Variants in ROBO1 observed in about 807,000 individuals in gnomAD.
ROBO1 encodes roundabout homolog 1.
ROBO1 carries 149 observed loss-of-function variants against 195.9 expected under a neutral mutation model. That is an observed-to-expected ratio of 0.76 (90% CI 0.67 to 0.87). The LOEUF (loss-of-function observed/expected upper bound fraction) is 0.87, where lower values mean the gene tolerates loss of function less well. ROBO1 is among the 40% of genes least tolerant of loss of function. The pLI is 0.00. For missense variants in ROBO1, 1,933 were observed against 2,068.3 expected (o/e 0.93, Z 1.27); for synonymous variants, 816 against 733.2 (o/e 1.11, Z -1.82).
At chr3:78,868,736 A>G (rs968392322) in intron 4 of ROBO1, among the ~76,000 whole-genome samples, 4 of 151,544 alleles carry the variant, frequency 2.6e-5, no homozygotes, top group African/African-American at 4.9e-5. Context: ...ATAAAAGGGG[A>G]AAAAAACACA....
At chr3:79,170,034 G>C (rs1472070138) in intron 2 of ROBO1, among the ~76,000 whole-genome samples, 1 of 152,126 alleles carries the variant, frequency 6.6e-6, no homozygotes, top group Non-Finnish European at 1.5e-5. Flanking sequence ...GAGCGAGAGA[G>C]AGAAAACACA....
intron 14 of ROBO1, among the ~76,000 whole-genome samples, chr3:78,667,195 T>C (rs2107697786): frequency 6.6e-6 from 1 of 152,228 alleles, no homozygotes; most frequent in South Asian, 2.1e-4. Context: ...AATTATAATA[T>C]GATTAAGATT....
chr3:78,799,394 T>A (rs549331236), intron 4 of ROBO1, among the ~76,000 whole-genome samples: 1 of 152,182 alleles, frequency 6.6e-6, no homozygotes. Flanking sequence ...CAGGCTGGAG[T>A]GCAGTGGCAC....
intron 4 of ROBO1, among the ~76,000 whole-genome samples, chr3:78,787,807 C>A (rs1234207129): frequency 6.6e-6 from 1 of 151,956 alleles, no homozygotes; most frequent in South Asian, 2.1e-4. Context: ...AAATCTGATA[C>A]AGTGTTGTGA....
chr3:78,737,684 A>C (rs1270232658), intron 5 of ROBO1, among the ~76,000 whole-genome samples: 1 of 152,216 alleles, frequency 6.6e-6, no homozygotes, highest in Admixed American at 6.5e-5. Flanking sequence ...CCAGTGTTTC[A>C]ATTATTAAAT....
intron 4 of ROBO1, among the ~76,000 whole-genome samples, chr3:78,803,904 A>C (rs991746485): frequency 1.3e-5 from 2 of 152,192 alleles, no homozygotes; most frequent in African/African-American, 4.8e-5. Context: ...TGTATATTAT[A>C]AAAGATTTGA....
chr3:78,667,165 A>G (rs996792702), intron 14 of ROBO1, among the ~76,000 whole-genome samples: 2 of 152,138 alleles, frequency 1.3e-5, no homozygotes, highest in African/African-American at 4.8e-5. Flanking sequence ...AATAAATAAA[A>G]TTTGGTTAAT....
At position 78,688,720 on chromosome 3, in the gene ROBO1, C is replaced by T. The variant is rs758482598; in HGVS notation, c.1098G>A (p.Arg366=). The T allele has an allele frequency of 1.2e-6, 2 of 1,609,092 alleles. No individual in the cohort carries two copies. Among genetic ancestry groups the T allele is most frequent in the South Asian group, 2.2e-5 (2 of 89,806 alleles). Residue 366 remains arginine, a synonymous_variant, in exon 9 of 31, where the codon CGG becomes CGA. Coordinates refer to ENST00000464233, the MANE Select transcript of ROBO1 (RefSeq NM_002941.4). Reference sequence around the variant, plus strand: ...TTGCTTCACACTGAAAAGTTACAGTCCGTCCCAAAGCAACAACCTGGTCAC... The same window carrying T: ...TTGCTTCACACTGAAAAGTTACAGTTCGTCCCAAAGCAACAACCTGGTCAC... ...KPRDQVVALG[R]TVTFQCEATG...
intron 2 of ROBO1, among the ~76,000 whole-genome samples, chr3:79,196,058 T>C (rs572310499): frequency 1.3e-5 from 2 of 151,580 alleles, no homozygotes; most frequent in African/African-American, 4.8e-5. Flanking sequence ...GACAAAAAGA[T>C]GAAAAGTCAT....
At chr3:79,080,471 T>TA (rs895479672) in intron 3 of ROBO1, among the ~76,000 whole-genome samples, 2 of 151,858 alleles carry the variant, frequency 1.3e-5, no homozygotes, top group East Asian at 1.9e-4. Context: ...TTCTTTCAAT[T>TA]AAAAAAAACT....
At chr3:78,602,043 T>TGA (rs1259641855) in intron 29 of ROBO1, among the ~76,000 whole-genome samples, 3 of 37,814 alleles carry the variant, frequency 7.9e-5, no homozygotes, top group African/African-American at 2.3e-4. Context: ...TTCATGTGTG[T>TGA]GAGTGTGTGT....
chr3:78,999,232 G>A (rs556482155), intron 3 of ROBO1, among the ~76,000 whole-genome samples: 10 of 151,876 alleles, frequency 6.6e-5, no homozygotes, highest in Middle Eastern at 3.4e-3. Flanking sequence ...AAAACAAATC[G>A]ACCTACAAAA....
chr3:79,445,606 C>T lies in ROBO1; in HGVS notation c.88+144218G>A, dbSNP rs548219287. On this transcript the variant is annotated intron_variant, in intron 2 of 30. Coordinates refer to ENST00000464233, the MANE Select transcript of ROBO1 (RefSeq NM_002941.4). ...CCTCAAATTCCTGGGCTCAAGCAAT[C>T]CTATCTCACCCTCCCGAGTAGCTGG... Among the ~76,000 whole-genome samples the T allele has an allele frequency of 2.0e-5, 3 of 149,406 alleles. No individual in the cohort carries two copies. The Admixed American group carries it at 2.0e-4, about 10-fold the overall frequency.
chr3:79,593,916 CTTTTG>C (rs565223747), intron 1 of ROBO1, among the ~76,000 whole-genome samples: 5 of 152,050 alleles, frequency 3.3e-5, no homozygotes, highest in African/African-American at 4.8e-5. Context: ...TGCACCTGGC[CTTTTG>C]TTTTGTTTAC....
intron 2 of ROBO1, among the ~76,000 whole-genome samples, chr3:79,579,906 G>A (rs1943604695): frequency 1.3e-5 from 2 of 152,102 alleles, no homozygotes; most frequent in Admixed American, 1.3e-4. Context: ...CAGCACAGGG[G>A]ATGACTTAGC....
intron 2 of ROBO1, among the ~76,000 whole-genome samples, chr3:79,401,748 T>A (rs2037375545): frequency 6.6e-6 from 1 of 151,826 alleles, no homozygotes; most frequent in Admixed American, 6.6e-5. Flanking sequence ...ATACAGGTAC[T>A]CTGCCAATAA....
rs1164658759 is a variant in ROBO1 at position 79,727,112 on chromosome 3, A to C, written c.-51+40640T>G. Reference sequence around the variant, plus strand: ...ACTAGCAATATGCTCAGGAGGAGCTAAACCAGCAAGGATGGGAAGAACTCA... The same window carrying C: ...ACTAGCAATATGCTCAGGAGGAGCTCAACCAGCAAGGATGGGAAGAACTCA... On this transcript the variant is annotated intron_variant, in intron 1 of 30. Coordinates refer to ENST00000464233, the MANE Select transcript of ROBO1 (RefSeq NM_002941.4). Among the ~76,000 whole-genome samples the C allele has an allele frequency of 3.3e-5, 5 of 152,222 alleles. No homozygotes were observed. In the East Asian group the frequency reaches 9.6e-4, roughly 29 times the overall value.
chr3:79,310,435 C>T (rs2033430254), intron 2 of ROBO1, among the ~76,000 whole-genome samples: 1 of 152,176 alleles, frequency 6.6e-6, no homozygotes, highest in African/African-American at 2.4e-5. Flanking sequence ...TTGAATAAAG[C>T]TGAGAATGGA....
chr3:79,123,934 T>G, intron 3 of ROBO1, among the ~76,000 whole-genome samples: 1 of 152,208 alleles, frequency 6.6e-6, no homozygotes, highest in East Asian at 1.9e-4. Context: ...ATTTATTCAT[T>G]ACTTATACAT....
Sources: gnomAD v4.1 joint callset for allele counts (sites outside exome capture counted in the v4.1 genomes callset) on GRCh38, gnomAD v4.1.1 for gene constraint, MANE v1.5 for transcripts, NCBI Gene and HGNC (gene_info 2026-07-23, HGNC 2026-07-21) for gene names.